SORBS2: variants seen among roughly 807,000 people sequenced by gnomAD.
SORBS2 encodes the protein sorbin and SH3 domain-containing protein 2.
A neutral mutation model predicts 97.7 loss-of-function variants in SORBS2; 46 were observed. That is an observed-to-expected ratio of 0.47 (90% CI 0.37 to 0.60). SORBS2 has a LOEUF of 0.60. Among genes scored for constraint, SORBS2 ranks in the 20% least tolerant of loss-of-function variants. The probability of loss-of-function intolerance (pLI) is 0.00; values close to 1 mark genes in which losing one functional copy is unlikely to be tolerated. For missense variants in SORBS2, 1,316 were observed against 1,282.3 expected (o/e 1.03, Z -0.40); for synonymous variants, 476 against 473.4 (o/e 1.01, Z -0.07).
intron 1 of SORBS2, among the ~76,000 whole-genome samples, chr4:185,892,570 G>T (rs2099243042): frequency 6.6e-6 from 1 of 152,138 alleles, no homozygotes; most frequent in Admixed American, 6.6e-5. Context: ...CATACATATC[G>T]CAGAATATTA....
At chr4:185,709,208 T>C (rs59805671) in intron 2 of SORBS2, among the ~76,000 whole-genome samples, 2,485 of 151,860 alleles carry the variant, frequency 0.016, 84 homozygotes, top group African/African-American at 0.056. Context: ...TTAGTAGAGA[T>C]GGGGTTTTGC....
At chr4:185,844,049 T>G (rs1038286652) in intron 1 of SORBS2, among the ~76,000 whole-genome samples, 1 of 152,186 alleles carries the variant, frequency 6.6e-6, no homozygotes, top group Admixed American at 6.5e-5. Flanking sequence ...AGGAAGGCAG[T>G]TCACATAGAT....
At chr4:185,773,826 T>A (rs1416165807) in intron 2 of SORBS2, 1 of 152,206 alleles carries the variant, frequency 6.6e-6, no homozygotes, top group Non-Finnish European at 1.5e-5. Flanking sequence ...ATTCCAAAGC[T>A]GATTGAATGG....
chr4:185,827,042 T>C (rs1004906951), intron 1 of SORBS2, among the ~76,000 whole-genome samples: 1 of 145,328 alleles, frequency 6.9e-6, no homozygotes, highest in Non-Finnish European at 1.5e-5. Flanking sequence ...ACCACCATCA[T>C]CACCACCATC....
chr4:185,876,166 G>T (rs900178133), intron 1 of SORBS2, among the ~76,000 whole-genome samples: 2 of 151,962 alleles, frequency 1.3e-5, no homozygotes, highest in African/African-American at 4.8e-5. Context: ...GGAGTGCAGT[G>T]GCACGATCTC....
At chr4:185,842,343 T>A (rs1460269990) in intron 1 of SORBS2, among the ~76,000 whole-genome samples, 1 of 152,190 alleles carries the variant, frequency 6.6e-6, no homozygotes. Context: ...TGGAGGTCCA[T>A]GTGACTAGAG....
chr4:185,624,907 T>G (rs1293830404), intron 6 of SORBS2, among the ~76,000 whole-genome samples: 1 of 152,194 alleles, frequency 6.6e-6, no homozygotes, highest in Non-Finnish European at 1.5e-5. Flanking sequence ...CCTTACGCAA[T>G]TTAATAGGGC....
intron 1 of SORBS2, among the ~76,000 whole-genome samples, chr4:185,946,329 A>G (rs930089525): frequency 4.6e-5 from 7 of 152,220 alleles, no homozygotes; most frequent in African/African-American, 1.4e-4. Context: ...GGTTATTGCC[A>G]TAATTGGAAC....
intron 1 of SORBS2, among the ~76,000 whole-genome samples, chr4:185,864,023 G>A (rs1476314971): frequency 6.6e-6 from 1 of 152,152 alleles, no homozygotes; most frequent in East Asian, 1.9e-4. Flanking sequence ...CCTATTTATT[G>A]TGGTCTGCAA....
chr4:185,770,311 T>A (rs2153622279), intron 2 of SORBS2, among the ~76,000 whole-genome samples: 1 of 152,324 alleles, frequency 6.6e-6, no homozygotes, highest in Middle Eastern at 3.4e-3. Context: ...TGACTGCTTA[T>A]TCTGTTAGGA....
chr4:185,657,583 T>C (rs760443978), upstream of SORBS2: 4 of 1,590,022 alleles, frequency 2.5e-6, no homozygotes, highest in East Asian at 9.4e-5. Context: ...GCTGGGGATA[T>C]GTGTCTGTGG....
intron 2 of SORBS2, 110 bp from the exon 4 acceptor site, chr4:185,690,721 CATT>C (rs1414331296): frequency 2.0e-6 from 1 of 495,002 alleles, no homozygotes; most frequent in Non-Finnish European, 3.7e-6. Context: ...ATCACATTAT[CATT>C]AGTCTTATTT....
At chr4:185,619,836 G>T (rs1049700845) in intron 8 of SORBS2, among the ~76,000 whole-genome samples, 1 of 152,178 alleles carries the variant, frequency 6.6e-6, no homozygotes, top group Admixed American at 6.5e-5. Context: ...AAGCCTCATG[G>T]CCAAAACTGG....
In SORBS2 at chr4:185,858,093, C is replaced by T. The variant is rs189259236; in HGVS notation, c.-337-82727G>A. On this transcript the variant is annotated intron_variant, in intron 1 of 20. Coordinates refer to the SORBS2 transcript ENST00000284776. ...GTTTTGCAGCTCGAGGTCTCCATCA[C>T]GGTCCTATCAATATGCGATGGCACC... Among the ~76,000 whole-genome samples, 112 of 152,308 alleles carry T rather than the reference C, an allele frequency of 7.4e-4. 1 individual carries two copies. The highest frequency in any genetic ancestry group is 7.0e-4 in the African/African-American group (29 of 41,564).
rs376868217 is a variant in SORBS2, at chr4:185,596,936, G to A, written c.2797-3001C>T. 3.0e-4 allele frequency among the ~76,000 whole-genome samples: 46 copies of A among 152,064 alleles called. 1 individual carries two copies. Among genetic ancestry groups the A allele is most frequent in the African/African-American group, 1.1e-3 (44 of 41,488 alleles). On this transcript the variant is annotated intron_variant, in intron 12 of 14. Coordinates refer to ENST00000418609, the Ensembl canonical transcript of SORBS2. ...ACACAAATCATCAGTTTTCTATACT[G>A]TTCACATCCTGAGGCCAGAATCAAT...
At chr4:185,622,862 C>T in intron 7 of SORBS2, 52 bp downstream of exon 19, 1 of 1,504,494 alleles carries the variant, frequency 6.6e-7, no homozygotes, top group Admixed American at 2.1e-5. Flanking sequence ...AATGAAAGAG[C>T]TGGAGGGTGG....
At chr4:185,751,190 A>AAAAAAAAAAAGAG in intron 2 of SORBS2, among the ~76,000 whole-genome samples, 5 of 86,504 alleles carry the variant, frequency 5.8e-5, no homozygotes, top group African/African-American at 1.2e-4. Context: ...AAAAAAAAAA[A>AAAAAAAAAAAGAG]AGAGAAAGAG....
intron 2 of SORBS2, among the ~76,000 whole-genome samples, chr4:185,736,532 T>C: frequency 6.6e-6 from 1 of 152,218 alleles, no homozygotes; most frequent in Admixed American, 6.5e-5. Context: ...TCTGTTTGTA[T>C]ACTTTTAACA....
chr4:185,625,918 T>G (rs2096802775), intron 6 of SORBS2, among the ~76,000 whole-genome samples: 1 of 152,254 alleles, frequency 6.6e-6, no homozygotes. Context: ...GGTCTGGTTT[T>G]ATAGAAACTT....
Sources: allele counts gnomAD v4.1 joint callset (sites outside exome capture counted in the v4.1 genomes callset), GRCh38; gene constraint gnomAD v4.1.1; transcripts MANE v1.5; gene names NCBI Gene and HGNC (gene_info 2026-07-23, HGNC 2026-07-21).